The following CNTNAP2 variants were observed in gnomAD, a reference collection of about 807,000 sequenced individuals.
The protein encoded by CNTNAP2 is contactin-associated protein-like 2.
In CNTNAP2, 98 loss-of-function variants were observed where a neutral mutation model predicts 155.2. The observed-to-expected ratio is 0.63, with a 90% CI of 0.54 to 0.75. The LOEUF is 0.75. CNTNAP2 is among the 30% of genes least tolerant of loss of function. The pLI, the probability that CNTNAP2 is intolerant of heterozygous loss-of-function variation, is 0.00. For missense variants in CNTNAP2, 1,727 were observed against 1,688.1 expected (o/e 1.02, Z -0.40); for synonymous variants, 651 against 631.2 (o/e 1.03, Z -0.47).
At chr7:147,463,637 T>C (rs1798063102) in intron 10 of CNTNAP2, among the ~76,000 whole-genome samples, 1 of 152,162 alleles carries the variant, frequency 6.6e-6, no homozygotes, top group South Asian at 2.1e-4. Context: ...TCCAGTAACA[T>C]AGATCTCTTT....
At chr7:148,395,152 T>C (rs1459520534) in intron 22 of CNTNAP2, among the ~76,000 whole-genome samples, 3 of 74,602 alleles carry the variant, frequency 4.0e-5, no homozygotes, top group African/African-American at 2.3e-4. Context: ...TTATGTGGCT[T>C]TTTTTTTTTC....
chr7:147,034,171 G>A (rs1440207228), intron 3 of CNTNAP2, among the ~76,000 whole-genome samples: 1 of 152,188 alleles, frequency 6.6e-6, no homozygotes, highest in Non-Finnish European at 1.5e-5. Context: ...CATGCCATCT[G>A]TAAACTGTCT....
intron 8 of CNTNAP2, among the ~76,000 whole-genome samples, chr7:147,199,537 T>C (rs1802879270): frequency 1.3e-5 from 2 of 152,170 alleles, no homozygotes; most frequent in Non-Finnish European, 1.5e-5. Flanking sequence ...AATGGATGTT[T>C]TACATTATGT....
intron 15 of CNTNAP2, among the ~76,000 whole-genome samples, chr7:148,073,813 G>A (rs893092601): frequency 7.2e-5 from 11 of 151,860 alleles, no homozygotes; most frequent in Non-Finnish European, 1.3e-4. Context: ...ATATCAATGG[G>A]TTCTGAACCT....
chr7:147,234,618 C>T (rs1373551317), intron 8 of CNTNAP2, among the ~76,000 whole-genome samples: 1 of 152,144 alleles, frequency 6.6e-6, no homozygotes, highest in Non-Finnish European at 1.5e-5. Flanking sequence ...GGATTACAGG[C>T]ATGAGCCACC....
chr7:146,897,711 G>C (rs1362368888), intron 3 of CNTNAP2, among the ~76,000 whole-genome samples: 1 of 151,904 alleles, frequency 6.6e-6, no homozygotes, highest in Non-Finnish European at 1.5e-5. Context: ...TTTCTCTAGA[G>C]CAGTATCTTA....
intron 1 of CNTNAP2, among the ~76,000 whole-genome samples, chr7:146,360,076 G>T (rs896569780): frequency 1.3e-5 from 2 of 152,072 alleles, no homozygotes; most frequent in Non-Finnish European, 2.9e-5. Flanking sequence ...TAAGCTTTAG[G>T]TCCACTGTTT....
intron 1 of CNTNAP2, among the ~76,000 whole-genome samples, chr7:146,704,309 A>T (rs1800926254): frequency 6.6e-6 from 1 of 152,158 alleles, no homozygotes; most frequent in African/African-American, 2.4e-5. Flanking sequence ...ACTAAATTAT[A>T]GTCTAGTAGT....
chr7:146,435,953 G>C (rs768389233), intron 1 of CNTNAP2, among the ~76,000 whole-genome samples: 1 of 152,096 alleles, frequency 6.6e-6, no homozygotes, highest in Non-Finnish European at 1.5e-5. Context: ...CCAAGATTTG[G>C]CTGAATCCAA....
chr7:147,543,117 T>TA (rs1346229640), intron 11 of CNTNAP2, among the ~76,000 whole-genome samples: 1 of 152,228 alleles, frequency 6.6e-6, no homozygotes, highest in African/African-American at 2.4e-5. Context: ...CCCACATATT[T>TA]ATTAACAGCA....
At chr7:148,206,414 G>A (rs1434009545) in intron 18 of CNTNAP2, among the ~76,000 whole-genome samples, 2 of 151,700 alleles carry the variant, frequency 1.3e-5, no homozygotes, top group Non-Finnish European at 2.9e-5. Context: ...ATCCAGATAT[G>A]GATGATATAG....
intron 11 of CNTNAP2, among the ~76,000 whole-genome samples, chr7:147,555,827 T>C (rs1163911297): frequency 2.6e-5 from 4 of 152,212 alleles, no homozygotes; most frequent in African/African-American, 7.2e-5. Context: ...AGAGTCTTCC[T>C]CAGCTCATCA....
intron 21 of CNTNAP2, among the ~76,000 whole-genome samples, chr7:148,374,257 A>G (rs1275548087): frequency 2.0e-5 from 3 of 152,078 alleles, no homozygotes; most frequent in African/African-American, 2.4e-5. Flanking sequence ...GAATTATAAT[A>G]CAACTGAGAA....
At chr7:147,883,966 G>A (rs1270128523) in intron 13 of CNTNAP2, among the ~76,000 whole-genome samples, 3 of 152,136 alleles carry the variant, frequency 2.0e-5, no homozygotes, top group African/African-American at 7.2e-5. Context: ...ATTAGAGGTG[G>A]ATAAATGCAA....
At chr7:147,036,545 A>G (rs1236216154) in intron 3 of CNTNAP2, among the ~76,000 whole-genome samples, 1 of 152,178 alleles carries the variant, frequency 6.6e-6, no homozygotes, top group East Asian at 1.9e-4. Context: ...CATATATGCT[A>G]TCTTAATTAT....
intron 1 of CNTNAP2, among the ~76,000 whole-genome samples, chr7:146,520,270 A>G (rs1045717252): frequency 1.1e-4 from 16 of 147,860 alleles, no homozygotes; most frequent in Admixed American, 5.5e-4. Context: ...GGGCATTGTT[A>G]TATATACATT....
chr7:147,004,089 A>G (rs1477947886), intron 3 of CNTNAP2, among the ~76,000 whole-genome samples: 3 of 151,938 alleles, frequency 2.0e-5, no homozygotes, highest in East Asian at 1.9e-4. Flanking sequence ...ATAACAATAC[A>G]TTCAAAATAA....
chr7:148,379,105 T>C (rs1798996740), intron 21 of CNTNAP2, among the ~76,000 whole-genome samples: 1 of 66,168 alleles, frequency 1.5e-5, no homozygotes, highest in African/African-American at 3.7e-5. Flanking sequence ...ACTTCCACAA[T>C]CCCTAGCACA....
chr7:146,899,349 G>A (rs1585145546), intron 3 of CNTNAP2, among the ~76,000 whole-genome samples: 1 of 152,232 alleles, frequency 6.6e-6, no homozygotes, highest in East Asian at 1.9e-4. Context: ...CCTGAAACCA[G>A]CATACTCAAA....
Sources: gnomAD v4.1 joint callset for allele counts (sites outside exome capture counted in the v4.1 genomes callset) on GRCh38, gnomAD v4.1.1 for gene constraint, MANE v1.5 for transcripts, NCBI Gene and HGNC (gene_info 2026-07-23, HGNC 2026-07-21) for gene names.